Variants in CHUK observed in about 807,000 individuals in gnomAD.
CHUK encodes inhibitor of nuclear factor kappa-B kinase subunit alpha.
A neutral mutation model predicts 104.8 loss-of-function variants in CHUK; 35 were observed. The observed-to-expected ratio is 0.33, with a 90% CI of 0.26 to 0.44. The LOEUF is 0.44. Ranked by LOEUF, CHUK falls within the 20% of genes least tolerant of loss-of-function variation. CHUK has a pLI of 1.00. For synonymous variants in CHUK, 276 were observed against 291.9 expected (o/e 0.95, Z 0.56); for missense variants, 663 against 902.7 (o/e 0.73, Z 3.40).
At chr10:100,198,941 T>TATA (rs1433002930) in intron 16 of CHUK, among the ~76,000 whole-genome samples, 2 of 152,200 alleles carry the variant, frequency 1.3e-5, no homozygotes, top group African/African-American at 2.4e-5. Flanking sequence ...CATAATAGTT[T>TATA]ATAGTTTTCA....
intron 15 of CHUK, 84 bp downstream of exon 15, chr10:100,200,587 C>A: frequency 1.3e-6 from 1 of 774,756 alleles, no homozygotes; most frequent in Non-Finnish European, 2.3e-6. Flanking sequence ...AAAAGAACCA[C>A]TAGAGGTTTA....
intron 9 of CHUK, among the ~76,000 whole-genome samples, chr10:100,211,281 ATTTT>A (rs1203240670): frequency 6.6e-6 from 1 of 152,008 alleles, no homozygotes; most frequent in Non-Finnish European, 1.5e-5. Context: ...TACATATTTT[ATTTT>A]GTGACAATTT....
intron 10 of CHUK, among the ~76,000 whole-genome samples, chr10:100,208,323 T>C (rs974825832): frequency 6.6e-6 from 1 of 152,082 alleles, no homozygotes; most frequent in Non-Finnish European, 1.5e-5. Flanking sequence ...CTCAGGCAGG[T>C]CTCGAACTCT....
chr10:100,190,380 G>A, intron 20 of CHUK: 1 of 187,110 alleles, frequency 5.3e-6, no homozygotes, highest in Non-Finnish European at 1.1e-5. Context: ...ACTAAATGCA[G>A]GAAAAATTGA....
intron 9 of CHUK, among the ~76,000 whole-genome samples, chr10:100,211,136 A>C (rs1315550543): frequency 2.6e-5 from 4 of 152,218 alleles, no homozygotes; most frequent in Non-Finnish European, 4.4e-5. Context: ...TCAAAGACAC[A>C]AAACTATAGA....
At chr10:100,200,634 A>T in intron 15 of CHUK, 37 bp downstream of exon 15, 1 of 948,950 alleles carries the variant, frequency 1.1e-6, no homozygotes, top group Non-Finnish European at 1.7e-6. Context: ...ACAAAATATT[A>T]CAGATGTCAA....
At position 100,229,491 on chromosome 10, in the gene CHUK, G is replaced by C; in HGVS notation, c.42C>G (p.Pro14=). The C allele has an allele frequency of 6.3e-7, 1 of 1,585,996 alleles. No homozygotes were observed. The highest frequency in any genetic ancestry group is 8.5e-7 in the Non-Finnish European group (1 of 1,170,304). ...PPGLRPGAGG[P]WEMRERLGTG... is the part of the protein sequence containing the mutation. ...TGCCCAGCCGCTCCCGCATCTCCCAGGGCCCGCCCGCGCCCGGCCGCAGCC... is the reference window on the plus strand; with the variant it reads ...TGCCCAGCCGCTCCCGCATCTCCCACGGCCCGCCCGCGCCCGGCCGCAGCC... Residue 14 remains proline, a synonymous_variant, in exon 1 of 21, where the codon CCC becomes CCG. Transcript: ENST00000370397.
chr10:100,213,457 G>C (rs1470621208), intron 9 of CHUK, among the ~76,000 whole-genome samples: 1 of 150,670 alleles, frequency 6.6e-6, no homozygotes, highest in Non-Finnish European at 1.5e-5. Context: ...TGGTACTCTA[G>C]CCTGGGTGAT....
At chr10:100,205,830 A>G (rs1845576496) in intron 11 of CHUK, among the ~76,000 whole-genome samples, 1 of 152,224 alleles carries the variant, frequency 6.6e-6, no homozygotes, top group Non-Finnish European at 1.5e-5. Flanking sequence ...CGGGAGACTG[A>G]GACAGGAGAA....
chr10:100,194,414 A>C lies in CHUK; in HGVS notation c.1826+11T>G, dbSNP rs1390363501. ...CTGGTTTTTCAGTAGGAAATGAAGC[A>C]ATTTTCCTACCTCAAATGACCAAAC... On this transcript the variant is annotated intron_variant, in intron 17 of 20. Coordinates refer to ENST00000370397, the MANE Select transcript of CHUK (RefSeq NM_001278.5). 1 of 1,571,672 alleles carries C rather than the reference A, an allele frequency of 6.4e-7. No homozygotes were observed. Among genetic ancestry groups the C allele is most frequent in the Non-Finnish European group, 8.8e-7 (1 of 1,141,390 alleles).
chr10:100,228,789 C>G (rs990312152), intron 1 of CHUK, among the ~76,000 whole-genome samples: 4 of 152,144 alleles, frequency 2.6e-5, no homozygotes. Context: ...GAGCGCCCCC[C>G]ATCTCCATCT....
At chr10:100,206,072 A>G (rs1431484510) in intron 11 of CHUK, among the ~76,000 whole-genome samples, 2 of 152,228 alleles carry the variant, frequency 1.3e-5, no homozygotes, top group Admixed American at 1.3e-4. Flanking sequence ...CACAGCAAAG[A>G]GGAGCTAAAG....
chr10:100,208,074 A>C (rs550424496), intron 10 of CHUK, among the ~76,000 whole-genome samples: 12 of 152,304 alleles, frequency 7.9e-5, no homozygotes, highest in African/African-American at 2.9e-4. Context: ...CTGTTCTCAC[A>C]GTAGTTTCAG....
chr10:100,227,061 T>C (rs1310221272), intron 1 of CHUK, among the ~76,000 whole-genome samples: 1 of 152,176 alleles, frequency 6.6e-6, no homozygotes, highest in Admixed American at 6.5e-5. Flanking sequence ...ATGCAGGCCT[T>C]TACCACCATG....
chr10:100,194,505 G>A lies in CHUK; in HGVS notation c.1746C>T (p.Asp582=). Residue 582 remains aspartate, a synonymous_variant, in exon 17 of 21, where the codon GAC becomes GAT. Transcript: ENST00000370397. ...KHRPSDHSYS[D]STEMVKIIVH... is the part of the protein sequence containing the mutation. ...CAATGATTTTCACCATCTCTGTGCT[G>A]TCACTGTAGGAGTGATCTATAAAAG... 1 of 1,610,712 alleles carries A rather than the reference G, an allele frequency of 6.2e-7. No homozygotes were observed. Among genetic ancestry groups the A allele is most frequent in the Non-Finnish European group, 8.5e-7 (1 of 1,177,090 alleles).
At position 100,189,526 on chromosome 10, in the gene CHUK, G is replaced by T; in HGVS notation, c.*72C>A. The T allele has an allele frequency of 8.2e-7, 1 of 1,216,884 alleles. No individual in the cohort carries two copies. Among genetic ancestry groups the T allele is most frequent in the Non-Finnish European group, 1.2e-6 (1 of 817,806 alleles). The allele number at this position is 1,216,884 out of a possible 1,614,324, so 75.4% of individuals were successfully genotyped here. On this transcript the variant is annotated 3_prime_UTR_variant, in exon 21 of 21. Transcript: ENST00000370397. ...ACTGATGTCTGAAGAATGGTTTCAT[G>T]GGGGAAAAACACATTTCCAACATGT... is the stretch of plus-strand genomic sequence containing the variant.
At chr10:100,215,091 T>C (rs950412581) in intron 9 of CHUK, among the ~76,000 whole-genome samples, 1 of 151,476 alleles carries the variant, frequency 6.6e-6, no homozygotes, top group Admixed American at 6.6e-5. Flanking sequence ...AAAAATTAGC[T>C]GGACACGGTG....
chr10:100,190,791 G>C, intron 20 of CHUK, 78 bp downstream of exon 20: 3 of 847,344 alleles, frequency 3.5e-6, no homozygotes, highest in South Asian at 1.3e-5. Context: ...CCAAATGCCA[G>C]ATAAGGCTAG....
At chr10:100,213,597 A>G (rs1038488711) in intron 9 of CHUK, among the ~76,000 whole-genome samples, 1 of 152,062 alleles carries the variant, frequency 6.6e-6, no homozygotes, top group Non-Finnish European at 1.5e-5. Flanking sequence ...TCTTGGTTCA[A>G]TGCAGCCTCC....
Sources: allele counts gnomAD v4.1 joint callset (sites outside exome capture counted in the v4.1 genomes callset), GRCh38; gene constraint gnomAD v4.1.1; transcripts MANE v1.5; gene names NCBI Gene and HGNC (gene_info 2026-07-23, HGNC 2026-07-21).